AKR1C8: variants seen among roughly 807,000 people sequenced by gnomAD.
AKR1C8 encodes the protein aldo-keto reductase family 1 member C8.
At chr10:5,133,198 A>G in the AKR1C8 span, among the ~76,000 whole-genome samples, 2 of 152,200 alleles carry the variant, frequency 1.3e-5, no homozygotes, top group East Asian at 3.9e-4. Context: ...TCGGACTGAA[A>G]CAATCCTCTC....
chr10:5,139,907 G>A, the AKR1C8 span, among the ~76,000 whole-genome samples: 1 of 151,820 alleles, frequency 6.6e-6, no homozygotes, highest in African/African-American at 2.4e-5. Context: ...TCTGACAAAG[G>A]GCTAATATCC....
chr10:5,154,187 A>T, the AKR1C8 span: 1 of 470,502 alleles, frequency 2.1e-6, no homozygotes, highest in Non-Finnish European at 4.4e-6. Context: ...GCAGCACTGA[A>T]AGAGAAAAAA....
the AKR1C8 span, among the ~76,000 whole-genome samples, chr10:5,134,431 C>T: frequency 6.6e-6 from 1 of 152,270 alleles, no homozygotes; most frequent in South Asian, 2.1e-4. Context: ...AGAAATAGTT[C>T]AGTCTAGAAA....
At chr10:5,138,046 C>T in the AKR1C8 span, among the ~76,000 whole-genome samples, 2 of 151,700 alleles carry the variant, frequency 1.3e-5, no homozygotes. Flanking sequence ...AGGGCAAAAG[C>T]AGAACTACTG....
At chr10:5,157,008 C>T in the AKR1C8 span, among the ~76,000 whole-genome samples, 2 of 152,310 alleles carry the variant, frequency 1.3e-5, no homozygotes, top group African/African-American at 2.4e-5. Context: ...GATAACTTCA[C>T]TCCTCAATTT....
the AKR1C8 span, among the ~76,000 whole-genome samples, chr10:5,140,345 C>T: frequency 3.3e-3 from 504 of 152,250 alleles, 4 homozygotes; most frequent in African/African-American, 0.012. Flanking sequence ...GACACATGCA[C>T]ACATATGTTT....
At chr10:5,178,862 C>T in the AKR1C8 span, among the ~76,000 whole-genome samples, 1 of 152,056 alleles carries the variant, frequency 6.6e-6, no homozygotes, top group South Asian at 2.1e-4. Context: ...TATTTTGAGC[C>T]TATGTGTGTC....
At chr10:5,124,549 C>T in the AKR1C8 span, among the ~76,000 whole-genome samples, 1 of 151,398 alleles carries the variant, frequency 6.6e-6, no homozygotes, top group Non-Finnish European at 1.5e-5. Flanking sequence ...ACTTTAAAGC[C>T]CCAAGGAAGG....
the AKR1C8 span, among the ~76,000 whole-genome samples, chr10:5,143,607 T>C: frequency 6.6e-6 from 1 of 151,864 alleles, no homozygotes; most frequent in African/African-American, 2.4e-5. Flanking sequence ...ATCATAAAAA[T>C]GATTTTATAC....
At chr10:5,160,016 A>G in the AKR1C8 span, 20 of 363,610 alleles carry the variant, frequency 5.5e-5, 3 homozygotes, top group African/African-American at 1.1e-4. Context: ...CTGGGGAGGA[A>G]GGATATGGGT....
At chr10:5,127,730 A>C in the AKR1C8 span, among the ~76,000 whole-genome samples, 26 of 37,082 alleles carry the variant, frequency 7.0e-4, no homozygotes, top group Admixed American at 5.9e-3. Context: ...GTCAAAAAAA[A>C]AAAAAAAAAA....
At chr10:5,127,954 A>G in the AKR1C8 span, among the ~76,000 whole-genome samples, 2 of 152,198 alleles carry the variant, frequency 1.3e-5, no homozygotes, top group South Asian at 4.1e-4. Flanking sequence ...TTCATTGCAA[A>G]AATATTACCA....
the AKR1C8 span, chr10:5,159,746 C>T: frequency 1.0e-4 from 47 of 461,118 alleles, no homozygotes; most frequent in Middle Eastern, 7.2e-4. Flanking sequence ...TGCTCTTTCT[C>T]TGGTATCTCC....
At chr10:5,147,573 C>G in the AKR1C8 span, among the ~76,000 whole-genome samples, 1 of 151,706 alleles carries the variant, frequency 6.6e-6, no homozygotes, top group East Asian at 1.9e-4. Context: ...TCAGGAGAAA[C>G]AGGACCTGTG....
chr10:5,162,374 G>A, the AKR1C8 span, among the ~76,000 whole-genome samples: 1 of 152,210 alleles, frequency 6.6e-6, no homozygotes, highest in African/African-American at 2.4e-5. Flanking sequence ...AATTATCGAT[G>A]TAAACACACA....
chr10:5,180,401 A>T, the AKR1C8 span, among the ~76,000 whole-genome samples: 1 of 152,228 alleles, frequency 6.6e-6, no homozygotes, highest in Non-Finnish European at 1.5e-5. Context: ...GCTGCCTCCC[A>T]GTTAGGCTGC....
At chr10:5,167,740 T>G in the AKR1C8 span, among the ~76,000 whole-genome samples, 1 of 151,812 alleles carries the variant, frequency 6.6e-6, no homozygotes, top group East Asian at 1.9e-4. Context: ...GTAAGTAACC[T>G]GCACATTGTG....
the AKR1C8 span, chr10:5,154,571 C>A: frequency 6.0e-6 from 1 of 166,280 alleles, no homozygotes; most frequent in Non-Finnish European, 1.3e-5. Context: ...AATGCATTCA[C>A]AGTCTCATAA....
the AKR1C8 span, among the ~76,000 whole-genome samples, chr10:5,161,109 T>C: frequency 1.3e-5 from 2 of 152,234 alleles, no homozygotes; most frequent in East Asian, 1.9e-4. Flanking sequence ...GTGTGGATTA[T>C]GTGTACATAT....
Sources: allele counts gnomAD v4.1 joint callset (sites outside exome capture counted in the v4.1 genomes callset), GRCh38; gene constraint gnomAD v4.1.1; transcripts MANE v1.5; gene names NCBI Gene and HGNC (gene_info 2026-07-23, HGNC 2026-07-21).